Variants in SRGAP3 observed in about 807,000 individuals in gnomAD.
The protein encoded by SRGAP3 is SLIT-ROBO Rho GTPase activating protein 3, also known as SLIT-ROBO Rho GTPase-activating protein 3.
In SRGAP3, 39 loss-of-function variants were observed where a neutral mutation model predicts 121.1. The observed-to-expected ratio is 0.32, with a 90% CI of 0.25 to 0.42. SRGAP3 has a LOEUF of 0.42. SRGAP3 is among the 10% of genes least tolerant of loss of function. SRGAP3 has a pLI of 1.00. For missense variants in SRGAP3, 1,213 were observed against 1,470.6 expected, an observed-to-expected ratio of 0.82 and a Z score of 2.86; for synonymous variants, 601 against 570.0, an observed-to-expected ratio of 1.05 and a Z score of -0.77.
At chr3:9,119,618 G>A (rs902946810) in intron 2 of SRGAP3, among the ~76,000 whole-genome samples, 1 of 152,222 alleles carries the variant, frequency 6.6e-6, no homozygotes, top group Non-Finnish European at 1.5e-5. Context: ...TCCTGAAGCT[G>A]AGCTAGGGCT....
At chr3:9,061,784 C>T (rs1010156381) in intron 5 of SRGAP3, among the ~76,000 whole-genome samples, 7 of 152,204 alleles carry the variant, frequency 4.6e-5, no homozygotes, top group Admixed American at 3.3e-4. Flanking sequence ...CAGCCAGAGC[C>T]GCCCATCTCA....
At chr3:8,991,697 A>T (rs890482008) in intron 20 of SRGAP3, among the ~76,000 whole-genome samples, 21 of 152,170 alleles carry the variant, frequency 1.4e-4, no homozygotes, top group African/African-American at 4.8e-4. Flanking sequence ...GCTGCATCCT[A>T]CAGAGGTCAC....
intron 2 of SRGAP3, among the ~76,000 whole-genome samples, chr3:9,327,476 A>T (rs1955539449): frequency 6.6e-6 from 1 of 152,200 alleles, no homozygotes. Flanking sequence ...TTCTCTTTAC[A>T]CACCTTGCAT....
At chr3:9,190,633 T>G (rs1344149186) in intron 1 of SRGAP3, among the ~76,000 whole-genome samples, 1 of 152,238 alleles carries the variant, frequency 6.6e-6, no homozygotes, top group Non-Finnish European at 1.5e-5. Context: ...TTAGGGCACA[T>G]TTCCTCCATC....
intron 18 of SRGAP3, among the ~76,000 whole-genome samples, chr3:8,995,030 CTG>C (rs1942305793): frequency 6.6e-6 from 1 of 152,162 alleles, no homozygotes; most frequent in East Asian, 1.9e-4. Context: ...TTGTTAAGGA[CTG>C]AACTGTGTCT....
At position 9,124,802 on chromosome 3, in the gene SRGAP3, G is replaced by A. The variant is rs140995430; in HGVS notation, c.183C>T (p.Leu61=). The part of the protein sequence containing the change: ...EFFRRKAEIE[L]EYSRSLEKLA... ...GCTTCTCCAGGCTGCGGGAGTACTC[G>A]AGCTCAATCTCAGCTTTCCGGCGGA... Residue 61 remains leucine (L), a synonymous_variant, in exon 2 of 22, where the codon CTC becomes CTT. Transcript: ENST00000383836. 6.4e-5 allele frequency: 103 copies of A among 1,614,082 alleles called. No individual in the cohort carries two copies. Among genetic ancestry groups the A allele is most frequent in the Non-Finnish European group, 8.3e-5 (98 of 1,180,054 alleles).
intron 3 of SRGAP3, among the ~76,000 whole-genome samples, chr3:9,098,311 C>T (rs747744201): frequency 7.9e-5 from 12 of 152,218 alleles, no homozygotes; most frequent in Non-Finnish European, 1.5e-4. Flanking sequence ...CAAGGTCTCA[C>T]TCTGTCACCC....
intron 18 of SRGAP3, among the ~76,000 whole-genome samples, chr3:8,995,291 G>C (rs1222191910): frequency 1.3e-5 from 2 of 151,812 alleles, no homozygotes; most frequent in Non-Finnish European, 2.9e-5. Flanking sequence ...GGGCAATATA[G>C]TGAGACCTCA....
intron 1 of SRGAP3, chr3:9,194,026 CCTT>C: frequency 6.6e-6 from 1 of 152,426 alleles, no homozygotes; most frequent in African/African-American, 2.4e-5. Context: ...GAGCCTTCCT[CCTT>C]CATTTGCCTA....
chr3:9,326,298 G>A (rs1439731792), intron 2 of SRGAP3: 1 of 151,792 alleles, frequency 6.6e-6, no homozygotes, highest in Non-Finnish European at 1.5e-5. Flanking sequence ...TATACAACCA[G>A]AAAACATGCA....
chr3:9,283,881 G>A (rs1210290758), intron 3 of SRGAP3, among the ~76,000 whole-genome samples: 2 of 152,150 alleles, frequency 1.3e-5, no homozygotes, highest in Non-Finnish European at 2.9e-5. Flanking sequence ...ATGGACACAA[G>A]ACTGGCTTTT....
intron 15 of SRGAP3, among the ~76,000 whole-genome samples, chr3:9,015,313 T>C (rs1943580021): frequency 6.6e-6 from 1 of 152,168 alleles, no homozygotes; most frequent in African/African-American, 2.4e-5. Flanking sequence ...TCATTCCTCC[T>C]GGAACACTCT....
intron 1 of SRGAP3, among the ~76,000 whole-genome samples, chr3:9,355,179 C>T (rs1049549049): frequency 3.3e-5 from 5 of 152,182 alleles, no homozygotes; most frequent in African/African-American, 1.2e-4. Flanking sequence ...AAACCCAAAT[C>T]TAAAACACCA....
Position 9,025,345 on chromosome 3 carries a change from AAGAAACATAC to A in SRGAP3, c.1601-17_1601-8del, listed in dbSNP as rs1366747783. Reference sequence around the variant, plus strand: ...ATCCCCTGCTGCTGGAGTCCTAAAAAAGAAACATACAGAAAAAGAAATAGTAAATCCACGA... The same window carrying A: ...ATCCCCTGCTGCTGGAGTCCTAAAAAAGAAAAAGAAATAGTAAATCCACGA... On this transcript the variant is annotated splice_polypyrimidine_tract_variant and splice_region_variant and intron_variant, in intron 13 of 21. Transcript: ENST00000383836. The A allele has an allele frequency of 1.2e-6, 2 of 1,614,204 alleles. No individual in the cohort carries two copies. The highest frequency in any genetic ancestry group is 4.5e-5 in the East Asian group (2 of 44,890).
intron 5 of SRGAP3, 108 bp from the exon 6 acceptor site, chr3:9,060,467 C>G: frequency 2.8e-6 from 4 of 1,413,190 alleles, no homozygotes; most frequent in Non-Finnish European, 3.8e-6. Context: ...TGCTCTGTCA[C>G]CCAGGTGAGA....
intron 4 of SRGAP3, among the ~76,000 whole-genome samples, chr3:9,079,228 A>G (rs1947123611): frequency 6.6e-6 from 1 of 152,030 alleles, no homozygotes; most frequent in African/African-American, 2.4e-5. Context: ...AAACATAACC[A>G]TTCTTCTCTG....
chr3:9,130,745 AGC>A, intron 1 of SRGAP3, among the ~76,000 whole-genome samples: 1 of 152,386 alleles, frequency 6.6e-6, no homozygotes, highest in Non-Finnish European at 1.5e-5. Flanking sequence ...TTCTTTTTGT[AGC>A]AAGATGGTGA....
intron 1 of SRGAP3, among the ~76,000 whole-genome samples, chr3:9,214,153 C>CA (rs1320716446): frequency 2.0e-5 from 3 of 151,970 alleles, no homozygotes; most frequent in African/African-American, 4.8e-5. Flanking sequence ...TGCACACACA[C>CA]ACACAAGAAT....
At chr3:9,274,073 T>G (rs369325850) in intron 3 of SRGAP3, among the ~76,000 whole-genome samples, 1 of 152,310 alleles carries the variant, frequency 6.6e-6, no homozygotes, top group East Asian at 1.9e-4. Context: ...CAAAAGACTT[T>G]ACACTTCTTG....
Sources: allele counts gnomAD v4.1 joint callset (sites outside exome capture counted in the v4.1 genomes callset), GRCh38; gene constraint gnomAD v4.1.1; transcripts MANE v1.5; gene names NCBI Gene and HGNC (gene_info 2026-07-23, HGNC 2026-07-21).